The following AGBL4 variants were observed in gnomAD, a reference collection of about 807,000 sequenced individuals.
The protein encoded by AGBL4 is cytosolic carboxypeptidase 6.
In AGBL4, 58 loss-of-function variants were observed where a neutral mutation model predicts 66.4. The ratio of observed to expected loss-of-function variants is 0.87; its 90% confidence interval spans 0.71 to 1.09. The LOEUF (loss-of-function observed/expected upper bound fraction) is 1.09. Ranked by LOEUF, AGBL4 falls within the 50% of genes least tolerant of loss-of-function variation. The pLI, the probability that AGBL4 is intolerant of heterozygous loss-of-function variation, is 0.00. For missense variants in AGBL4, 579 were observed against 631.0 expected (o/e 0.92, Z 0.88); for synonymous variants, 234 against 222.9 (o/e 1.05, Z -0.44).
At chr1:48,940,230 T>G (rs1655847854) in intron 5 of AGBL4, among the ~76,000 whole-genome samples, 1 of 151,790 alleles carries the variant, frequency 6.6e-6, no homozygotes, top group Admixed American at 6.6e-5. Context: ...ATACAAAAAT[T>G]AGTGGGGCGT....
At chr1:49,482,139 T>C (rs1395640219) in intron 3 of AGBL4, among the ~76,000 whole-genome samples, 1 of 151,956 alleles carries the variant, frequency 6.6e-6, no homozygotes, top group Non-Finnish European at 1.5e-5. Context: ...GCTGGCCTCA[T>C]AGAATGAGTT....
chr1:49,763,497 G>A (rs1417135265), intron 2 of AGBL4, among the ~76,000 whole-genome samples: 2 of 152,206 alleles, frequency 1.3e-5, no homozygotes, highest in Non-Finnish European at 2.9e-5. Flanking sequence ...CAAGATGATG[G>A]TCTAAGAGAT....
At chr1:49,279,290 G>A (rs762085511) in intron 3 of AGBL4, among the ~76,000 whole-genome samples, 1 of 152,138 alleles carries the variant, frequency 6.6e-6, no homozygotes, top group Non-Finnish European at 1.5e-5. Flanking sequence ...TGTCTTACAA[G>A]GTAGAGTTAA....
At chr1:49,346,048 A>T (rs976766741) in intron 3 of AGBL4, among the ~76,000 whole-genome samples, 1 of 152,196 alleles carries the variant, frequency 6.6e-6, no homozygotes, top group African/African-American at 2.4e-5. Context: ...AATTTTAAAA[A>T]GCGCCTATAT....
intron 11 of AGBL4, 78 bp from the exon 12 acceptor site, chr1:48,539,816 T>C (rs1198260492): frequency 8.2e-6 from 8 of 969,960 alleles, no homozygotes; most frequent in Non-Finnish European, 1.1e-5. Context: ...ATAAAAATAA[T>C]AACAGTAATA....
chr1:49,601,210 C>A (rs958268637), intron 3 of AGBL4, among the ~76,000 whole-genome samples: 9 of 152,146 alleles, frequency 5.9e-5, no homozygotes, highest in Non-Finnish European at 1.0e-4. Context: ...TGGATAATAT[C>A]TTTAAGAGTA....
intron 4 of AGBL4, among the ~76,000 whole-genome samples, chr1:49,099,655 T>C (rs1345702486): frequency 2.0e-5 from 3 of 152,180 alleles, no homozygotes; most frequent in African/African-American, 4.8e-5. Context: ...GTCCATACTA[T>C]AATTTATTTG....
chr1:48,737,713 G>A (rs1440531543), intron 6 of AGBL4, among the ~76,000 whole-genome samples: 1 of 152,060 alleles, frequency 6.6e-6, no homozygotes, highest in African/African-American at 2.4e-5. Flanking sequence ...TCTCCTTTCT[G>A]CATCTTTAGT....
intron 1 of AGBL4, among the ~76,000 whole-genome samples, chr1:49,965,398 G>C (rs1484158182): frequency 1.3e-5 from 2 of 152,182 alleles, no homozygotes; most frequent in East Asian, 3.9e-4. Context: ...TGAGTAGAAA[G>C]CATCACATCC....
chr1:48,917,145 C>T (rs59875985), intron 5 of AGBL4, among the ~76,000 whole-genome samples: 20,938 of 151,858 alleles, frequency 0.14, 1,748 homozygotes, highest in African/African-American at 0.24. Flanking sequence ...CAATATTACC[C>T]AGTATAATCC....
intron 2 of AGBL4, among the ~76,000 whole-genome samples, chr1:49,720,962 G>A (rs562150937): frequency 4.6e-5 from 7 of 152,238 alleles, no homozygotes; most frequent in Non-Finnish European, 8.8e-5. Flanking sequence ...GTAATAATGA[G>A]AGGCGAAGCC....
intron 3 of AGBL4, among the ~76,000 whole-genome samples, chr1:49,583,703 G>A (rs1180013122): frequency 6.6e-6 from 1 of 152,118 alleles, no homozygotes; most frequent in African/African-American, 2.4e-5. Flanking sequence ...GGTGCCAGAA[G>A]TGTTGAGAGT....
intron 2 of AGBL4, among the ~76,000 whole-genome samples, chr1:49,766,972 T>G (rs1169302103): frequency 6.6e-6 from 1 of 152,108 alleles, no homozygotes; most frequent in Non-Finnish European, 1.5e-5. Flanking sequence ...TCTAGATCTC[T>G]GAAAAGTATT....
At chr1:49,531,068 C>T (rs1651104829) in intron 3 of AGBL4, among the ~76,000 whole-genome samples, 1 of 152,030 alleles carries the variant, frequency 6.6e-6, no homozygotes, top group African/African-American at 2.4e-5. Flanking sequence ...CCACAGTTTG[C>T]CTCTAAATTA....
chr1:48,979,976 A>C (rs1659616934), intron 5 of AGBL4, among the ~76,000 whole-genome samples: 3 of 152,150 alleles, frequency 2.0e-5, no homozygotes, highest in Admixed American at 2.0e-4. Context: ...TTCTGTATAT[A>C]ATAGCTTTAT....
chr1:49,107,688 TGTGTGTGA>T (rs1489544297), intron 4 of AGBL4, among the ~76,000 whole-genome samples: 3 of 105,250 alleles, frequency 2.9e-5, no homozygotes, highest in African/African-American at 1.1e-4. Flanking sequence ...TGTGTGTGTG[TGTGTGTGA>T]GAGAGAGAGA....
intron 2 of AGBL4, among the ~76,000 whole-genome samples, chr1:49,710,313 A>G (rs897724069): frequency 2.0e-5 from 3 of 152,180 alleles, no homozygotes; most frequent in Non-Finnish European, 4.4e-5. Context: ...GCTGGAAACC[A>G]TTATTCTCAG....
At chr1:49,595,330 C>G (rs1207966211) in intron 3 of AGBL4, among the ~76,000 whole-genome samples, 1 of 152,160 alleles carries the variant, frequency 6.6e-6, no homozygotes, top group Non-Finnish European at 1.5e-5. Context: ...ACCTCGTGAT[C>G]TGCCTGTCTC....
At chr1:49,202,143 G>A (rs1001372293) in intron 4 of AGBL4, among the ~76,000 whole-genome samples, 2 of 152,134 alleles carry the variant, frequency 1.3e-5, no homozygotes, top group African/African-American at 4.8e-5. Context: ...TTGTATTTAA[G>A]AAGAGCTATT....
Sources: allele counts gnomAD v4.1 joint callset (sites outside exome capture counted in the v4.1 genomes callset), GRCh38; gene constraint gnomAD v4.1.1; transcripts MANE v1.5; gene names NCBI Gene and HGNC (gene_info 2026-07-23, HGNC 2026-07-21).